The following ADAMTS9 variants were observed in gnomAD, a reference collection of about 807,000 sequenced individuals.
The protein encoded by ADAMTS9 is A disintegrin and metalloproteinase with thrombospondin motifs 9.
ADAMTS9 carries 107 observed loss-of-function variants against 257.1 expected under a neutral mutation model. The observed-to-expected ratio is 0.42, with a 90% confidence interval of 0.36 to 0.49. The LOEUF (loss-of-function observed/expected upper bound fraction) is 0.49, where lower values mean the gene tolerates loss of function less well. Among genes scored for constraint, ADAMTS9 ranks in the 20% least tolerant of loss-of-function variants. ADAMTS9 has a pLI of 0.03. For synonymous variants in ADAMTS9, 982 were observed against 880.9 expected (o/e 1.11, Z -2.03); for missense variants, 2,353 against 2,469.1 (o/e 0.95, Z 1.00).
chr3:64,650,538 G>A (rs1315280357), intron 9 of ADAMTS9: 2 of 154,050 alleles, frequency 1.3e-5, no homozygotes, highest in African/African-American at 2.4e-5. Flanking sequence ...AGGGGGAGAG[G>A]AAGAGTGACG....
At chr3:64,645,432 G>C (rs925594617) in intron 11 of ADAMTS9, among the ~76,000 whole-genome samples, 3 of 152,086 alleles carry the variant, frequency 2.0e-5, no homozygotes, top group African/African-American at 4.8e-5. Context: ...AGCAGCCCAA[G>C]ACAGATTACT....
chr3:64,533,842 G>T (rs1427683234), intron 37 of ADAMTS9, among the ~76,000 whole-genome samples: 1 of 152,174 alleles, frequency 6.6e-6, no homozygotes, highest in African/African-American at 2.4e-5. Flanking sequence ...GGGCCTGGAG[G>T]ATGCGGCTTT....
At chr3:64,671,659 G>A (rs2107016722) in intron 3 of ADAMTS9, among the ~76,000 whole-genome samples, 3 of 152,254 alleles carry the variant, frequency 2.0e-5, no homozygotes, top group Middle Eastern at 6.8e-3. Context: ...GAAGACTTGT[G>A]CCAACATTTG....
chr3:64,637,803 TG>T (rs1700536877), intron 12 of ADAMTS9, among the ~76,000 whole-genome samples: 1 of 152,164 alleles, frequency 6.6e-6, no homozygotes, highest in African/African-American at 2.4e-5. Flanking sequence ...TTAGATGGGA[TG>T]GGGTGGGAGC....
chr3:64,668,702 G>T (rs1221965825), intron 3 of ADAMTS9, among the ~76,000 whole-genome samples: 1 of 152,194 alleles, frequency 6.6e-6, no homozygotes, highest in African/African-American at 2.4e-5. Context: ...AGAATGAGCA[G>T]CAGGTTAAGG....
At chr3:64,666,830 C>G (rs1424590063) in intron 3 of ADAMTS9, among the ~76,000 whole-genome samples, 1 of 152,122 alleles carries the variant, frequency 6.6e-6, no homozygotes, top group Non-Finnish European at 1.5e-5. Flanking sequence ...TATTGACATT[C>G]TCAAACAAAA....
chr3:64,670,286 T>C (rs1466791156), intron 3 of ADAMTS9, among the ~76,000 whole-genome samples: 1 of 152,206 alleles, frequency 6.6e-6, no homozygotes. Context: ...AGACAACACA[T>C]TCCCATCAAA....
At chr3:64,596,082 T>C (rs1000715085) in intron 27 of ADAMTS9, among the ~76,000 whole-genome samples, 88 of 152,372 alleles carry the variant, frequency 5.8e-4, no homozygotes, top group African/African-American at 1.9e-3. Context: ...AAAGGCGATG[T>C]GCTACGCATT....
intron 16 of ADAMTS9, among the ~76,000 whole-genome samples, chr3:64,628,905 A>G (rs1217029829): frequency 6.6e-6 from 1 of 152,160 alleles, no homozygotes. Context: ...CTAACTTTAA[A>G]ACACTAGTGG....
At chr3:64,620,563 A>T (rs1348423284) in intron 19 of ADAMTS9, among the ~76,000 whole-genome samples, 1 of 152,130 alleles carries the variant, frequency 6.6e-6, no homozygotes, top group African/African-American at 2.4e-5. Context: ...TGCTCTACCC[A>T]CCCAGTATTT....
intron 22 of ADAMTS9, among the ~76,000 whole-genome samples, chr3:64,610,380 T>C (rs1043205653): frequency 6.6e-6 from 1 of 152,222 alleles, no homozygotes; most frequent in Non-Finnish European, 1.5e-5. Flanking sequence ...ATCTAGAACC[T>C]ACAACTCAAG....
Position 64,655,626 on chromosome 3 carries a change from C to G in ADAMTS9, c.1119G>C (p.Ser373=), listed in dbSNP as rs137935402. The G allele has an allele frequency of 2.5e-6, 4 of 1,614,106 alleles. No individual in the cohort carries two copies. Among genetic ancestry groups the G allele is most frequent in the Non-Finnish European group, 2.5e-6 (3 of 1,180,014 alleles). The change falls in exon 6 of 40, where the codon TCG becomes TCC. Residue 373 remains serine (S), a synonymous_variant. Coordinates refer to ENST00000498707, the MANE Select transcript of ADAMTS9 (RefSeq NM_182920.2). ...GATGGATTCCACCTGGACTGTTCTTCGAATGCTGCCACTGGCAAAAGTTTT... is the reference window on the plus strand; with the variant it reads ...GATGGATTCCACCTGGACTGTTCTTGGAATGCTGCCACTGGCAAAAGTTTT... The part of the protein sequence containing the change: ...TLKNFCQWQH[S]KNSPGGIHHD...
chr3:64,559,908 C>T (rs2083391371), intron 30 of ADAMTS9, among the ~76,000 whole-genome samples: 1 of 152,084 alleles, frequency 6.6e-6, no homozygotes, highest in African/African-American at 2.4e-5. Flanking sequence ...TTTAGCGTGA[C>T]ACAAAGAGGG....
intron 30 of ADAMTS9, among the ~76,000 whole-genome samples, chr3:64,552,392 C>T (rs923626924): frequency 6.6e-6 from 1 of 152,116 alleles, no homozygotes; most frequent in Non-Finnish European, 1.5e-5. Context: ...GTATCTAAAG[C>T]CTCTGTGTCA....
In ADAMTS9 at chr3:64,546,059, T is replaced by A. The variant is rs961753225; in HGVS notation, c.5064+699A>T. ...AGAACATACAGACTTCTTAACAACA[T>A]AAGCAACAATAACTACTCCTTCTGT... On this transcript the variant is annotated intron_variant, in intron 32 of 39. Transcript: ENST00000498707. 1.1e-4 allele frequency among the ~76,000 whole-genome samples: 16 copies of A among 152,324 alleles called. No homozygotes were observed. The South Asian group carries it at 1.2e-3, about 12-fold the overall frequency.
intron 10 of ADAMTS9, 120 bp downstream of exon 10, chr3:64,649,517 A>G (rs891032421): frequency 1.6e-6 from 2 of 1,214,910 alleles, no homozygotes; most frequent in African/African-American, 1.5e-5. Flanking sequence ...CTAATATGCA[A>G]TTTTACTCTC....
intron 16 of ADAMTS9, among the ~76,000 whole-genome samples, chr3:64,622,820 T>G (rs1237304127): frequency 6.6e-6 from 1 of 152,146 alleles, no homozygotes; most frequent in African/African-American, 2.4e-5. Context: ...AAGCACCTAC[T>G]CCCTTGTGGT....
At chr3:64,519,403 T>A (rs1031347956) in intron 39 of ADAMTS9, among the ~76,000 whole-genome samples, 1 of 151,820 alleles carries the variant, frequency 6.6e-6, no homozygotes, top group African/African-American at 2.4e-5. Context: ...ATTGAAACAA[T>A]TTTTTCAAAA....
Position 64,686,473 on chromosome 3 carries a change from C to T in ADAMTS9, c.516+95G>A. The T allele has an allele frequency of 2.1e-6, 3 of 1,432,354 alleles. No homozygotes were observed. Among genetic ancestry groups the T allele is most frequent in the Non-Finnish European group, 2.8e-6 (3 of 1,079,396 alleles). 88.7% of individuals were successfully genotyped at this position (1,432,354 alleles called of 1,614,324 possible). A position where few individuals can be genotyped will look rare whatever the true frequency, so the allele number is the denominator to read the frequency against. ...AACGCCGGAGAGGAGCGGAGCCTCG[C>T]CACAGTGAGGGTCTCTAGGCTTAGA... On this transcript the variant is annotated intron_variant, in intron 2 of 39. Coordinates refer to ENST00000498707, the MANE Select transcript of ADAMTS9 (RefSeq NM_182920.2). The surrounding 1 kb of genome is among the most constrained non-coding windows in gnomAD (Gnocchi z 4.6).
Sources: allele counts gnomAD v4.1 joint callset (sites outside exome capture counted in the v4.1 genomes callset), GRCh38; gene constraint gnomAD v4.1.1; non-coding constraint Gnocchi (gnomAD v3.1); transcripts MANE v1.5; gene names NCBI Gene and HGNC (gene_info 2026-07-23, HGNC 2026-07-21).